The following PCDHGB6 variants were observed in gnomAD, a reference collection of about 807,000 sequenced individuals.
PCDHGB6 encodes the protein protocadherin gamma-B6.
PCDHGB6 carries 51 observed loss-of-function variants against 59.1 expected under a neutral mutation model. That is an observed-to-expected ratio of 0.86 (90% CI 0.69 to 1.09). The LOEUF (loss-of-function observed/expected upper bound fraction) is 1.09, where lower values mean the gene tolerates loss of function less well. Among genes scored for constraint, PCDHGB6 ranks in the 50% least tolerant of loss-of-function variants. PCDHGB6 has a pLI of 0.00. For missense variants in PCDHGB6, 1,148 were observed against 1,205.1 expected (o/e 0.95, Z 0.70); for synonymous variants, 466 against 495.1 (o/e 0.94, Z 0.78).
intron 1 of PCDHGB6, among the ~76,000 whole-genome samples, chr5:141,459,747 A>G (rs553965181): frequency 3.2e-4 from 48 of 152,318 alleles, no homozygotes; most frequent in African/African-American, 1.1e-3. Flanking sequence ...AATTTTAGCA[A>G]TTCTAGTGGG....
At chr5:141,484,750 GTA>G (rs545232987) in intron 1 of PCDHGB6, among the ~76,000 whole-genome samples, 18 of 149,824 alleles carry the variant, frequency 1.2e-4, no homozygotes, top group Admixed American at 4.7e-4. Flanking sequence ...GAAAAAAAAT[GTA>G]TATATATATA....
chr5:141,454,796 A>ATTTTTTTTTTTTTTTTTTTTTTTTTTTT (rs61612330), intron 1 of PCDHGB6, among the ~76,000 whole-genome samples: 3 of 77,456 alleles, frequency 3.9e-5, no homozygotes, highest in Admixed American at 1.8e-4. Flanking sequence ...CATGGTTCTA[A>ATTTTTTTTTTTTTTTTTTTTTTTTTTTT]TTTTTTTTTT....
Position 141,432,670 on chromosome 5 carries a change from G to A in PCDHGB6, c.2418+22050G>A, listed in dbSNP as rs749221752. ...CGCGAGCCCTGCTGGACAGAGACGC[G>A]CTCAAGCAGAGCCTCGTAGTGGCCG... On this transcript the variant is annotated intron_variant, in intron 1 of 3. Coordinates refer to ENST00000520790, the MANE Select transcript of PCDHGB6 (RefSeq NM_018926.3). The surrounding 1 kb of genome is among the most constrained non-coding windows in gnomAD (Gnocchi z 6.0). The A allele has an allele frequency of 6.8e-6, 11 of 1,613,748 alleles. No individual in the cohort carries two copies. The East Asian group carries it at 1.8e-4, about 26-fold the overall frequency.
chr5:141,413,881 G>C (rs774026375), intron 1 of PCDHGB6: 5 of 1,613,400 alleles, frequency 3.1e-6, no homozygotes, highest in Non-Finnish European at 4.2e-6. Context: ...CAGTGTGACT[G>C]TCTTCGATGC....
intron 1 of PCDHGB6, among the ~76,000 whole-genome samples, chr5:141,449,391 G>A (rs1020753910): frequency 1.3e-5 from 2 of 151,876 alleles, no homozygotes; most frequent in Non-Finnish European, 2.9e-5. Context: ...TGGATTACTT[G>A]AGGCCAGGAG....
chr5:141,496,795 T>C (rs886559302), intron 2 of PCDHGB6, among the ~76,000 whole-genome samples: 27 of 151,976 alleles, frequency 1.8e-4, no homozygotes, highest in Middle Eastern at 3.4e-3. Flanking sequence ...GTGCTAAACA[T>C]TGGGCTATAG....
chr5:141,457,809 C>A (rs1404645915), intron 1 of PCDHGB6, among the ~76,000 whole-genome samples: 1 of 152,180 alleles, frequency 6.6e-6, no homozygotes, highest in Non-Finnish European at 1.5e-5. Flanking sequence ...CTCTTGAGGT[C>A]CCAAGATAAA....
In PCDHGB6 at chr5:141,408,738, C is replaced by T; in HGVS notation, c.536C>T (p.Ser179Leu). 2 of 1,609,632 alleles carry T rather than the reference C, an allele frequency of 1.2e-6. No homozygotes were observed. The highest frequency in any genetic ancestry group is 1.7e-6 in the Non-Finnish European group (2 of 1,177,622). ...DYKINSNPYF[S>L]LMVRVNSDGG... The stretch of plus-strand genomic sequence containing the variant: ...AAGATAAACTCTAATCCTTATTTTT[C>T]ATTAATGGTTAGAGTTAATTCCGAT... Residue 179 changes from serine (S) to leucine (L), a missense_variant, in exon 1 of 4, where the codon TCA becomes TTA. Ser to Leu is a moderately radical substitution (Grantham distance 145, BLOSUM62 -2). This residue lies in a region of PCDHGB6 where 307 missense variants were observed against 323.8 expected (regional missense o/e 0.95). Transcript: ENST00000520790.
At chr5:141,434,323 T>G (rs578049856) in intron 1 of PCDHGB6, among the ~76,000 whole-genome samples, 1 of 152,358 alleles carries the variant, frequency 6.6e-6, no homozygotes, top group South Asian at 2.1e-4. Flanking sequence ...CTCTTGCTGC[T>G]TGTCTCTTTG....
chr5:141,434,474 A>G (rs979175338), intron 1 of PCDHGB6, among the ~76,000 whole-genome samples: 2 of 152,222 alleles, frequency 1.3e-5, no homozygotes, highest in Non-Finnish European at 2.9e-5. Context: ...GAATGAGGGC[A>G]AGGAACACCT....
chr5:141,487,516 G>A lies in PCDHGB6; in HGVS notation c.2419-7291G>A, dbSNP rs2099648095. On this transcript the variant is annotated intron_variant, in intron 1 of 3. Coordinates refer to ENST00000520790, the MANE Select transcript of PCDHGB6 (RefSeq NM_018926.3). The surrounding 1 kb of genome is among the most constrained non-coding windows in gnomAD (Gnocchi z 5.0). ...CACCCTTGGCTTCTGCACCCACTCG[G>A]AGTGATAGCTTCATGATGGTGAAGT... 6.2e-7 allele frequency: 1 copy of A among 1,614,078 alleles called. No individual in the cohort carries two copies. The highest frequency in any genetic ancestry group is 1.7e-5 in the Admixed American group (1 of 60,010).
chr5:141,409,847 C>T lies in PCDHGB6; in HGVS notation c.1645C>T (p.Arg549Cys), dbSNP rs2095325421. The T allele has an allele frequency of 1.9e-6, 3 of 1,611,712 alleles. No homozygotes were observed. Among genetic ancestry groups the T allele is most frequent in the East Asian group, 2.2e-5 (1 of 44,814 alleles). ...CACGCTCAGCGCCAACGTGAGCCTG[C>T]GCGTGTTGGTGGGAGACCGCAATGA... ...SPTLSANVSL[R>C]VLVGDRNDNA... The change falls in exon 1 of 4, where the codon CGC becomes TGC. Residue 549 changes from arginine (R) to cysteine (C), a missense_variant. Around this residue, in one of 5 missense-constraint regions of PCDHGB6, gnomAD observed 549 missense variants for 527.5 expected, o/e 1.04. Transcript: ENST00000520790.
chr5:141,467,287 A>C (rs2099140956), intron 1 of PCDHGB6, among the ~76,000 whole-genome samples: 1 of 152,082 alleles, frequency 6.6e-6, no homozygotes, highest in Admixed American at 6.6e-5. Flanking sequence ...TCTTGACCTC[A>C]AGTGATCCAC....
intron 1 of PCDHGB6, chr5:141,415,644 A>G: frequency 6.2e-7 from 1 of 1,600,070 alleles, no homozygotes; most frequent in Non-Finnish European, 8.5e-7. Flanking sequence ...CTTTTGTTAA[A>G]AAAAAAAAGA....
chr5:141,492,359 C>A (rs1292383129), intron 1 of PCDHGB6, among the ~76,000 whole-genome samples: 3 of 152,336 alleles, frequency 2.0e-5, no homozygotes, highest in African/African-American at 7.2e-5. Flanking sequence ...GCCACTCGCT[C>A]GCGGCCAGAT....
At chr5:141,509,823 TTCTC>T (rs2099878456) in intron 3 of PCDHGB6, among the ~76,000 whole-genome samples, 1 of 152,170 alleles carries the variant, frequency 6.6e-6, no homozygotes, top group Non-Finnish European at 1.5e-5. Flanking sequence ...CTTCTCCATC[TTCTC>T]TCTACCTCCC....
chr5:141,511,267 C>A lies in PCDHGB6; in HGVS notation c.*94C>A, dbSNP rs1223074819. The A allele has an allele frequency of 6.5e-7, 1 of 1,549,404 alleles. No individual in the cohort carries two copies. Among genetic ancestry groups the A allele is most frequent in the Non-Finnish European group, 8.7e-7 (1 of 1,146,836 alleles). Reference sequence around the variant, plus strand: ...CCAGGCCTCAGAGTTTCAGGGCTAACCCCCAGAATACTGGTAGGGGCCAAG... The same window carrying A: ...CCAGGCCTCAGAGTTTCAGGGCTAAACCCCAGAATACTGGTAGGGGCCAAG... On this transcript the variant is annotated 3_prime_UTR_variant, in exon 4 of 4. Coordinates refer to ENST00000520790, the MANE Select transcript of PCDHGB6 (RefSeq NM_018926.3).
intron 1 of PCDHGB6, among the ~76,000 whole-genome samples, chr5:141,470,854 A>G (rs553276517): frequency 6.6e-6 from 1 of 152,028 alleles, no homozygotes; most frequent in Admixed American, 6.6e-5. Context: ...TGCTCAGATA[A>G]GTTTTTTGTT....
At chr5:141,428,002 T>G in intron 1 of PCDHGB6, 1 of 1,601,328 alleles carries the variant, frequency 6.2e-7, no homozygotes, top group Non-Finnish European at 8.5e-7. Context: ...TCCGCACTCT[T>G]CGATATAGTG....
Sources: allele counts gnomAD v4.1 joint callset (sites outside exome capture counted in the v4.1 genomes callset), GRCh38; gene constraint gnomAD v4.1.1; regional missense constraint gnomAD v4.1.1; non-coding constraint Gnocchi (gnomAD v3.1); transcripts MANE v1.5; gene names NCBI Gene and HGNC (gene_info 2026-07-23, HGNC 2026-07-21).